TNR: variants seen among roughly 807,000 people sequenced by gnomAD.
TNR encodes tenascin R, also known as tenascin-R.
In TNR, 45 loss-of-function variants were observed where a neutral mutation model predicts 150.4. The observed-to-expected ratio is 0.30, with a 90% CI of 0.24 to 0.38. The LOEUF (loss-of-function observed/expected upper bound fraction) is 0.38, where lower values mean the gene tolerates loss of function less well. Among genes scored for constraint, TNR ranks in the 10% least tolerant of loss-of-function variants. TNR has a pLI of 1.00. For synonymous variants in TNR, 687 were observed against 678.4 expected (o/e 1.01, Z -0.20); for missense variants, 1,544 against 1,759.1 (o/e 0.88, Z 2.19).
intron 1 of TNR, among the ~76,000 whole-genome samples, chr1:175,723,470 G>C (rs1451890051): frequency 6.6e-6 from 1 of 152,204 alleles, no homozygotes; most frequent in Non-Finnish European, 1.5e-5. Context: ...GAGCAAAAGA[G>C]ACTCTATCCT....
chr1:175,430,057 T>C (rs764217786), intron 2 of TNR, among the ~76,000 whole-genome samples: 3 of 149,822 alleles, frequency 2.0e-5, no homozygotes, highest in South Asian at 4.2e-4. Context: ...ATTATATAGA[T>C]ATAATATAGA....
chr1:175,409,914 A>G (rs1654135068), intron 2 of TNR, among the ~76,000 whole-genome samples: 1 of 152,214 alleles, frequency 6.6e-6, no homozygotes, highest in African/African-American at 2.4e-5. Context: ...TGTCATACAT[A>G]ATGTATTATA....
chr1:175,698,844 C>T (rs987155458), intron 1 of TNR, among the ~76,000 whole-genome samples: 5 of 151,478 alleles, frequency 3.3e-5, no homozygotes, highest in African/African-American at 1.2e-4. Flanking sequence ...GTGGTGCTGG[C>T]AGTGACGGGA....
chr1:175,482,410 A>G (rs750958852), intron 2 of TNR, among the ~76,000 whole-genome samples: 20 of 152,232 alleles, frequency 1.3e-4, no homozygotes, highest in Non-Finnish European at 2.5e-4. Context: ...AATTTTATCC[A>G]TGTTAGTTTT....
At chr1:175,594,077 T>C (rs1418876347) in intron 1 of TNR, among the ~76,000 whole-genome samples, 2 of 152,178 alleles carry the variant, frequency 1.3e-5, no homozygotes, top group Non-Finnish European at 2.9e-5. Flanking sequence ...CATTTCCTAG[T>C]GGGCATTTTG....
At chr1:175,464,533 C>T (rs1233295315) in intron 2 of TNR, among the ~76,000 whole-genome samples, 1 of 152,220 alleles carries the variant, frequency 6.6e-6, no homozygotes, top group Non-Finnish European at 1.5e-5. Context: ...GATGTAATAG[C>T]ACCCAGAACA....
At chr1:175,713,284 A>G (rs773508802) in intron 1 of TNR, among the ~76,000 whole-genome samples, 9 of 152,208 alleles carry the variant, frequency 5.9e-5, no homozygotes, top group Non-Finnish European at 1.0e-4. Flanking sequence ...CCTGTGTGAC[A>G]TGTACTGCAC....
At chr1:175,377,570 A>C (rs1652467991) in intron 9 of TNR, among the ~76,000 whole-genome samples, 1 of 148,904 alleles carries the variant, frequency 6.7e-6, no homozygotes, top group Non-Finnish European at 1.5e-5. Context: ...CACCCCCGTT[A>C]ATCTGCTTGG....
chr1:175,393,938 T>TG (rs1338387814), intron 5 of TNR, 43 bp from the exon 6 acceptor site: 1 of 1,467,136 alleles, frequency 6.8e-7, no homozygotes. Context: ...GGCTAACCCT[T>TG]GGGACAGACA....
At chr1:175,437,093 C>A (rs1004419609) in intron 2 of TNR, among the ~76,000 whole-genome samples, 6 of 152,180 alleles carry the variant, frequency 3.9e-5, no homozygotes, top group Non-Finnish European at 5.9e-5. Flanking sequence ...AGCACCACAC[C>A]ACACCAATTC....
At chr1:175,694,756 A>G (rs546578302) in intron 1 of TNR, among the ~76,000 whole-genome samples, 1 of 152,308 alleles carries the variant, frequency 6.6e-6, no homozygotes, top group South Asian at 2.1e-4. Context: ...AGAAGATATT[A>G]GGGCACCATC....
chr1:175,617,626 A>G (rs1349618906), intron 1 of TNR, among the ~76,000 whole-genome samples: 2 of 152,222 alleles, frequency 1.3e-5, no homozygotes, highest in African/African-American at 4.8e-5. Flanking sequence ...GTCCCATTCC[A>G]GACCTGCTGA....
Position 175,365,088 on chromosome 1 carries a change from C to T in TNR, c.2509G>A (p.Ala837Thr). Residue 837 changes from alanine to threonine, a missense_variant, in exon 12 of 23, where the codon GCC (alanine) becomes ACC (threonine). Transcript: ENST00000367674. The stretch of plus-strand genomic sequence containing the variant: ...ACAAGGTTCACAATATACTCTGTGG[C>T]TGGTTGCAGGCCCATCAGGACAGCA... ...RHAVLMGLQP[A>T]TEYIVNLVAV... 1 of 1,614,096 alleles carries T rather than the reference C, an allele frequency of 6.2e-7. No individual in the cohort carries two copies. Among genetic ancestry groups the T allele is most frequent in the Non-Finnish European group, 8.5e-7 (1 of 1,179,992 alleles).
chr1:175,371,426 C>G (rs1652101224), intron 9 of TNR, among the ~76,000 whole-genome samples: 1 of 152,176 alleles, frequency 6.6e-6, no homozygotes, highest in African/African-American at 2.4e-5. Context: ...TCCTTTGTGT[C>G]AGACACAAGG....
intron 2 of TNR, among the ~76,000 whole-genome samples, chr1:175,460,169 G>T (rs1656752198): frequency 1.3e-5 from 2 of 152,124 alleles, no homozygotes; most frequent in African/African-American, 4.8e-5. Flanking sequence ...GGTGTGAGAG[G>T]GGAGGCAGGA....
chr1:175,479,234 G>A (rs910238082), intron 2 of TNR, among the ~76,000 whole-genome samples: 3 of 152,160 alleles, frequency 2.0e-5, no homozygotes, highest in Admixed American at 2.0e-4. Context: ...CCTTTGAGAT[G>A]GGAAAGACAC....
Position 175,599,571 on chromosome 1 carries a change from C to A in TNR, c.-164-71202G>T, listed in dbSNP as rs1279454630. ...TCTCTGCTGGGCTAGTGTCCCGCAT[C>A]AGCGGTAATGGGGCCGGCCCACCCG... On this transcript the variant is annotated intron_variant, in intron 1 of 22. Coordinates refer to ENST00000367674, the MANE Select transcript of TNR (RefSeq NM_003285.3). The surrounding 1 kb of genome is among the most constrained non-coding windows in gnomAD (Gnocchi z 4.7). Among the ~76,000 whole-genome samples, 1 of 152,210 alleles carries A rather than the reference C, an allele frequency of 6.6e-6. No homozygotes were observed. The highest frequency in any genetic ancestry group is 1.5e-5 in the Non-Finnish European group (1 of 68,032).
chr1:175,402,545 G>A (rs1051498753), intron 4 of TNR, among the ~76,000 whole-genome samples: 3 of 152,146 alleles, frequency 2.0e-5, no homozygotes, highest in African/African-American at 7.2e-5. Context: ...GTTGCCCAAT[G>A]TCCTTAGTAC....
chr1:175,606,129 C>A (rs1558034519), intron 1 of TNR, among the ~76,000 whole-genome samples: 1 of 152,172 alleles, frequency 6.6e-6, no homozygotes, highest in Admixed American at 6.5e-5. Context: ...GATTTTGGGG[C>A]AATAAAAATT....
Sources: gnomAD v4.1 joint callset for allele counts (sites outside exome capture counted in the v4.1 genomes callset) on GRCh38, gnomAD v4.1.1 for gene constraint, Gnocchi (gnomAD v3.1) non-coding constraint, MANE v1.5 for transcripts, NCBI Gene and HGNC (gene_info 2026-07-23, HGNC 2026-07-21) for gene names.